Variants in PARD3B observed in about 807,000 individuals in gnomAD.
The protein encoded by PARD3B is par-3 family cell polarity regulator beta.
Under a neutral mutation model 130.2 loss-of-function variants are expected in PARD3B, and 103 were observed. That is an observed-to-expected ratio of 0.79 (90% CI 0.67 to 0.93). PARD3B has a LOEUF of 0.93. PARD3B is among the 40% of genes least tolerant of loss of function. The probability of loss-of-function intolerance (pLI) is 0.00; values close to 1 mark genes in which losing one functional copy is unlikely to be tolerated. For missense variants in PARD3B, 1,609 were observed against 1,499.2 expected, an observed-to-expected ratio of 1.07 and a Z score of -1.21; for synonymous variants, 583 against 553.2, an observed-to-expected ratio of 1.05 and a Z score of -0.76.
intron 21 of PARD3B, among the ~76,000 whole-genome samples, chr2:205,532,859 T>TGTCA (rs1402355063): frequency 2.0e-5 from 3 of 152,298 alleles, no homozygotes; most frequent in Admixed American, 1.3e-4. Flanking sequence ...GAATCATTCC[T>TGTCA]GTCATTAAAA....
At chr2:205,089,140 T>A (rs1243370408) in intron 4 of PARD3B, among the ~76,000 whole-genome samples, 6 of 121,516 alleles carry the variant, frequency 4.9e-5, no homozygotes, top group Non-Finnish European at 9.5e-5. Context: ...TCTTTTTTTT[T>A]TCTTTCTTTT....
chr2:205,123,715 C>T (rs1392490752), intron 8 of PARD3B, among the ~76,000 whole-genome samples: 1 of 149,356 alleles, frequency 6.7e-6, no homozygotes, highest in Non-Finnish European at 1.5e-5. Context: ...CAGAGATGGT[C>T]GCGGGTAGGT....
chr2:204,812,718 C>G (rs953048301), intron 2 of PARD3B, among the ~76,000 whole-genome samples: 1 of 152,138 alleles, frequency 6.6e-6, no homozygotes, highest in African/African-American at 2.4e-5. Flanking sequence ...TCCTAGTGCA[C>G]GTGCTACAGC....
In PARD3B at chr2:205,618,113, A is replaced by G. The variant is rs934488590; in HGVS notation, c.*2300A>G. On this transcript the variant is annotated 3_prime_UTR_variant, in exon 23 of 23. Transcript: ENST00000406610. ...GCTCCAAAGCTGGGTTTTGTGTTGC[A>G]TACAAAGTCAATAAAATAGTTGCTA... The G allele has an allele frequency of 6.6e-6, 1 of 152,212 alleles. No individual in the cohort carries two copies. Among genetic ancestry groups the G allele is most frequent in the Non-Finnish European group, 1.5e-5 (1 of 68,042 alleles). 9.4% of individuals were successfully genotyped at this position (152,212 alleles called of 1,614,324 possible).
At chr2:204,715,666 C>T (rs969762107) in intron 2 of PARD3B, among the ~76,000 whole-genome samples, 2 of 152,100 alleles carry the variant, frequency 1.3e-5, no homozygotes, top group Non-Finnish European at 2.9e-5. Flanking sequence ...TAGAGAAGAT[C>T]TTCTATAGAA....
intron 4 of PARD3B, among the ~76,000 whole-genome samples, chr2:205,054,404 T>TATATATATATATATA (rs1699451825): frequency 3.3e-4 from 11 of 33,820 alleles, no homozygotes; most frequent in Non-Finnish European, 3.5e-4. Context: ...GACATGTCTT[T>TATATATATATATATA]TATATATATA....
chr2:204,593,980 G>A (rs549665514), intron 1 of PARD3B, among the ~76,000 whole-genome samples: 34 of 152,210 alleles, frequency 2.2e-4, no homozygotes, highest in Admixed American at 1.0e-3. Flanking sequence ...TCTGTCTTAC[G>A]TACCAATATT....
At chr2:205,217,116 A>C (rs1483843956) in intron 15 of PARD3B, among the ~76,000 whole-genome samples, 1 of 152,180 alleles carries the variant, frequency 6.6e-6, no homozygotes, top group Non-Finnish European at 1.5e-5. Flanking sequence ...TGTCCAGCAA[A>C]CTTCTACTCT....
In PARD3B at chr2:205,124,330, C is replaced by G; in HGVS notation, c.1169C>G (p.Pro390Arg). ...KKIKIDLKKG[P>R]EGLGFTVVTR... ...TTTTCCTGTTCTTATACACTAGGCCCTGAAGGACTTGGTTTCACTGTGGTT... is the reference window on the plus strand; with the variant it reads ...TTTTCCTGTTCTTATACACTAGGCCGTGAAGGACTTGGTTTCACTGTGGTT... Residue 390 changes from proline to arginine, a missense_variant, in exon 9 of 23, where the codon CCT becomes CGT. By Grantham distance (103) the Pro-to-Arg change is moderately radical. Transcript: ENST00000406610. 1 of 1,560,190 alleles carries G rather than the reference C, an allele frequency of 6.4e-7. No individual in the cohort carries two copies. Among genetic ancestry groups the G allele is most frequent in the Non-Finnish European group, 8.7e-7 (1 of 1,151,942 alleles).
chr2:204,984,839 A>G (rs1692991587), intron 3 of PARD3B, among the ~76,000 whole-genome samples: 2 of 152,156 alleles, frequency 1.3e-5, no homozygotes, highest in African/African-American at 4.8e-5. Flanking sequence ...TAAGTCTGGC[A>G]GAAGGAATGT....
At chr2:204,903,934 G>A (rs962778191) in intron 2 of PARD3B, among the ~76,000 whole-genome samples, 8 of 151,942 alleles carry the variant, frequency 5.3e-5, no homozygotes, top group African/African-American at 1.7e-4. Flanking sequence ...ATTATCTGTC[G>A]GTCTACTATT....
chr2:205,591,330 G>A lies in PARD3B; in HGVS notation c.3261-24126G>A, dbSNP rs2054378790. Among the ~76,000 whole-genome samples, 1 of 152,136 alleles carries A rather than the reference G, an allele frequency of 6.6e-6. No individual in the cohort carries two copies. Among genetic ancestry groups the A allele is most frequent in the Admixed American group, 6.5e-5 (1 of 15,280 alleles). On this transcript the variant is annotated intron_variant, in intron 22 of 22. Transcript: ENST00000406610. The surrounding 1 kb of genome is among the most constrained non-coding windows in gnomAD (Gnocchi z 4.2). ...CTGGAGGAAGCAGATTTTTGGAGGA[G>A]AAATAAGCCTCTAAACATATTTGAA...
At chr2:205,587,366 C>T (rs2054235096) in intron 22 of PARD3B, among the ~76,000 whole-genome samples, 1 of 152,130 alleles carries the variant, frequency 6.6e-6, no homozygotes, top group Admixed American at 6.5e-5. Context: ...ATTCTTAAAA[C>T]TCTTAATGAC....
intron 1 of PARD3B, among the ~76,000 whole-genome samples, chr2:204,660,885 A>C (rs188166898): frequency 6.6e-6 from 1 of 152,222 alleles, no homozygotes; most frequent in African/African-American, 2.4e-5. Context: ...TAGAACATGC[A>C]GTGTGGCTTT....
Position 204,606,064 on chromosome 2 carries a change from G to C in PARD3B, c.120+59945G>C, listed in dbSNP as rs2033713548. ...GATATTACCAAGAAGTGCTTTAGAG[G>C]GTTTTCAGTAGATGGAAACTGGAAT... On this transcript the variant is annotated intron_variant, in intron 1 of 22. Transcript: ENST00000406610. This position sits in a 1 kb window ranked among gnomAD's most constrained non-coding sequence, Gnocchi z 4.0. Among the ~76,000 whole-genome samples, 1 of 152,054 alleles carries C rather than the reference G, an allele frequency of 6.6e-6. No individual in the cohort carries two copies. The highest frequency in any genetic ancestry group is 2.4e-5 in the African/African-American group (1 of 41,406).
chr2:205,579,498 G>A (rs1014865465), intron 22 of PARD3B, among the ~76,000 whole-genome samples: 14 of 152,160 alleles, frequency 9.2e-5, no homozygotes, highest in South Asian at 2.1e-4. Flanking sequence ...ACCAGAGGCC[G>A]GCAAGCTATT....
chr2:205,393,789 G>A (rs576573438), intron 18 of PARD3B, among the ~76,000 whole-genome samples: 3 of 152,096 alleles, frequency 2.0e-5, no homozygotes, highest in African/African-American at 7.2e-5. Context: ...AACTAAATGA[G>A]AGAGTAGACA....
chr2:205,051,286 T>C (rs896851386), intron 4 of PARD3B, among the ~76,000 whole-genome samples: 2 of 152,168 alleles, frequency 1.3e-5, no homozygotes, highest in Non-Finnish European at 2.9e-5. Flanking sequence ...TGTGTGATAA[T>C]GTAGCCATGT....
chr2:204,890,289 A>G lies in PARD3B; in HGVS notation c.223-74863A>G, dbSNP rs1302010801. 2.0e-5 allele frequency among the ~76,000 whole-genome samples: 3 copies of G among 152,192 alleles called. No individual in the cohort carries two copies. In the East Asian group the frequency reaches 5.8e-4, roughly 29 times the overall value. ...TAGGCATTTTATAAATACTTACTGA[A>G]TGAATAAATAGAAGATGACAAGGCA... On this transcript the variant is annotated intron_variant, in intron 2 of 22. Transcript: ENST00000406610. The surrounding 1 kb of genome is among the most constrained non-coding windows in gnomAD (Gnocchi z 4.9).
Sources: gnomAD v4.1 joint callset for allele counts (sites outside exome capture counted in the v4.1 genomes callset) on GRCh38, gnomAD v4.1.1 for gene constraint, Gnocchi (gnomAD v3.1) non-coding constraint, MANE v1.5 for transcripts, NCBI Gene and HGNC (gene_info 2026-07-23, HGNC 2026-07-21) for gene names.